SEC31B: variants seen among roughly 807,000 people sequenced by gnomAD.
SEC31B encodes SEC31 homolog B, COPII component.
A neutral mutation model predicts 135.0 loss-of-function variants in SEC31B; 113 were observed. That is an observed-to-expected ratio of 0.84 (90% confidence interval 0.72 to 0.98). The LOEUF (loss-of-function observed/expected upper bound fraction) is 0.98, where lower values mean the gene tolerates loss of function less well. Among genes scored for constraint, SEC31B ranks in the 50% least tolerant of loss-of-function variants. The pLI is 0.00. For missense variants in SEC31B, 1,296 were observed against 1,421.1 expected (o/e 0.91, Z 1.42); for synonymous variants, 508 against 549.4 (o/e 0.92, Z 1.05).
chr10:100,487,369 T>G lies in SEC31B; in HGVS notation c.*247A>C. On this transcript the variant is annotated 3_prime_UTR_variant, in exon 26 of 26. Transcript: ENST00000370345. ...TTACAGAGTGTAGTATTAGGGAGAGTGAAGAACTGATTCTATGCCCTGCCT... is the reference window on the plus strand; with the variant it reads ...TTACAGAGTGTAGTATTAGGGAGAGGGAAGAACTGATTCTATGCCCTGCCT... The G allele has an allele frequency of 3.8e-6, 2 of 520,490 alleles. No individual in the cohort carries two copies. Among genetic ancestry groups the G allele is most frequent in the East Asian group, 3.4e-5 (1 of 29,388 alleles). 32.2% of individuals were successfully genotyped at this position (520,490 alleles called of 1,614,324 possible).
At chr10:100,505,327 AAC>A (rs749868302) in intron 10 of SEC31B, 32 bp downstream of exon 10, 22 of 1,543,438 alleles carry the variant, frequency 1.4e-5, no homozygotes, top group Admixed American at 3.5e-5. Context: ...CACACACACA[AAC>A]ACACACACAC....
intron 2 of SEC31B, 63 bp from the exon 3 acceptor site, chr10:100,516,282 G>A (rs1482659530): frequency 6.4e-7 from 1 of 1,562,160 alleles, no homozygotes; most frequent in Non-Finnish European, 8.7e-7. Flanking sequence ...GTATAAGAAG[G>A]TTAAGGAGTG....
chr10:100,489,077 T>C, intron 23 of SEC31B, 103 bp from the exon 24 acceptor site: 2 of 1,502,876 alleles, frequency 1.3e-6, no homozygotes, highest in South Asian at 1.4e-5. Flanking sequence ...ACTGTTCCCA[T>C]TACAGCAGAG....
chr10:100,503,308 T>A (rs138596732), intron 10 of SEC31B, among the ~76,000 whole-genome samples: 1 of 152,074 alleles, frequency 6.6e-6, no homozygotes, highest in Non-Finnish European at 1.5e-5. Context: ...TAAAACCACA[T>A]GGAGAACAAT....
rs188641297 is a variant in SEC31B, at chr10:100,488,351, C to T, written c.3289-253G>A. On this transcript the variant is annotated intron_variant, in intron 24 of 25. Transcript: ENST00000370345. Reference sequence around the variant, plus strand: ...GTGGGCACCTGTAGTCCCAGCTACTCGGGAGGCTGAGGCGGGAGAATGGCT... The same window carrying T: ...GTGGGCACCTGTAGTCCCAGCTACTTGGGAGGCTGAGGCGGGAGAATGGCT... Among the ~76,000 whole-genome samples, 367 of 149,690 alleles carry T rather than the reference C, an allele frequency of 2.5e-3. 2 individuals are homozygous for T. Among genetic ancestry groups the T allele is most frequent in the African/African-American group, 8.4e-3 (342 of 40,654 alleles).
intron 14 of SEC31B, 167 bp from the exon 15 acceptor site, chr10:100,498,374 C>A: frequency 1.4e-6 from 1 of 718,042 alleles, no homozygotes. Flanking sequence ...TTTTGGTGCC[C>A]AGGTCTAAAG....
chr10:100,489,485 A>C, intron 22 of SEC31B, 87 bp from the exon 23 acceptor site: 12 of 1,503,060 alleles, frequency 8.0e-6, no homozygotes, highest in Non-Finnish European at 9.1e-6. Context: ...ACAGTGAACA[A>C]GGAGACAGAA....
intron 7 of SEC31B, 200 bp from the exon 8 acceptor site, chr10:100,506,620 C>T (rs781289845): frequency 3.4e-6 from 2 of 594,452 alleles, no homozygotes; most frequent in Non-Finnish European, 5.9e-6. Context: ...AGAGTCAGAA[C>T]CCAAACCAAA....
At chr10:100,508,806 C>G (rs1479004828) in intron 5 of SEC31B, 1 of 591,966 alleles carries the variant, frequency 1.7e-6, no homozygotes, top group Non-Finnish European at 3.0e-6. Context: ...TGAGCACAAA[C>G]CAACTACCCC....
chr10:100,498,224 C>T lies in SEC31B; in HGVS notation c.1685-17G>A. ...CATCAATATCTGCAGGCAGAAGCAT[C>T]CCCTGTGCATTAGTTGCTCTCAAAC... On this transcript the variant is annotated splice_polypyrimidine_tract_variant and intron_variant, in intron 14 of 25. Transcript: ENST00000370345. The T allele has an allele frequency of 6.2e-7, 1 of 1,613,710 alleles. No individual in the cohort carries two copies. The highest frequency in any genetic ancestry group is 1.1e-5 in the South Asian group (1 of 91,040).
chr10:100,497,618 CCATGCTGGAGTCACACCATTT>C, intron 16 of SEC31B, 28 bp downstream of exon 16: 1 of 1,613,658 alleles, frequency 6.2e-7, no homozygotes, highest in Non-Finnish European at 8.5e-7. Flanking sequence ...TCCTTTGACT[CCATGCTGGAGTCACACCATTT>C]CATCCTGAAG....
At position 100,489,693 on chromosome 10, in the gene SEC31B, A is replaced by G; in HGVS notation, c.3024+10T>C. 6.2e-7 allele frequency: 1 copy of G among 1,614,178 alleles called. No homozygotes were observed. The highest frequency in any genetic ancestry group is 8.5e-7 in the Non-Finnish European group (1 of 1,180,016). On this transcript the variant is annotated intron_variant, in intron 22 of 25. Transcript: ENST00000370345. ...TGTGCGAGGGAGTGGGTAGGGAAAG[A>G]TGCATTGACCTTGTTCCTCTGGAGG...
At chr10:100,499,773 G>A (rs913772584) in intron 11 of SEC31B, among the ~76,000 whole-genome samples, 175 bp from the exon 12 acceptor site, 1 of 152,090 alleles carries the variant, frequency 6.6e-6, no homozygotes, top group Admixed American at 6.5e-5. Flanking sequence ...CTTACTGATG[G>A]GCTATCAGCA....
In SEC31B at chr10:100,510,281, T is replaced by C. The variant is rs570344740; in HGVS notation, c.204-770A>G. Among the ~76,000 whole-genome samples, 677 of 152,254 alleles carry C rather than the reference T, an allele frequency of 4.4e-3. 1 individual carries two copies. The highest frequency in any genetic ancestry group is 7.3e-3 in the Non-Finnish European group (495 of 68,014). On this transcript the variant is annotated intron_variant, in intron 3 of 25. Coordinates refer to ENST00000370345, the MANE Select transcript of SEC31B (RefSeq NM_015490.4). ...CCCAATGGCCTCCCCACCCCATGCC[T>C]CTCCCATGTGGCTGGCCCACTGGAG...
chr10:100,490,845 AG>A lies in SEC31B; in HGVS notation c.2510del (p.Pro837LeufsTer25), dbSNP rs1851288319. ...CCAAGGGCATCGCTGGTGATGACTG[AG>A]GGGTGAAAACCCTTGGCCTTGGAGA... is the stretch of plus-strand genomic sequence containing the variant. ...TPSPRPRVFTPQSSPAMPLAP... is the reference protein window; with the variant it reads ...TPSPRPRVFTXQSSPAMPLAP... On this transcript the variant is annotated frameshift_variant, in exon 20 of 26. Coordinates refer to ENST00000370345, the MANE Select transcript of SEC31B (RefSeq NM_015490.4). LOFTEE classifies it high-confidence loss of function. 1 of 1,582,282 alleles carries A rather than the reference AG, an allele frequency of 6.3e-7. No homozygotes were observed. The highest frequency in any genetic ancestry group is 8.6e-7 in the Non-Finnish European group (1 of 1,160,044).
chr10:100,509,149 C>T (rs372664785), intron 4 of SEC31B, 47 bp from the exon 5 acceptor site: 2 of 1,591,110 alleles, frequency 1.3e-6, no homozygotes, highest in South Asian at 1.1e-5. Context: ...TAGGAAGAAA[C>T]AGAGCAAGAA....
chr10:100,490,791 AC>A lies in SEC31B; in HGVS notation c.2564del (p.Gly855ValfsTer7). The stretch of plus-strand genomic sequence containing the variant: ...AGTCACTTATATTCTGTGTCCTGGG[AC>A]CCTGATAAGGGCTAGGATGGGAAGG... The part of the protein sequence containing the change: ...LAPSHPSPYQ[G>X]PRTQNISDYR... On this transcript the variant is annotated frameshift_variant, in exon 20 of 26. Transcript: ENST00000370345. LOFTEE classifies it high-confidence loss of function. 1 of 1,611,348 alleles carries A rather than the reference AC, an allele frequency of 6.2e-7. No homozygotes were observed. The highest frequency in any genetic ancestry group is 8.5e-7 in the Non-Finnish European group (1 of 1,178,422).
intron 19 of SEC31B, among the ~76,000 whole-genome samples, chr10:100,493,518 T>C (rs909172722): frequency 6.6e-6 from 1 of 152,184 alleles, no homozygotes; most frequent in African/African-American, 2.4e-5. Context: ...CTCAAAAGGA[T>C]ACATATTGCC....
Position 100,490,333 on chromosome 10 carries a change from A to G in SEC31B, c.2651-11T>C. The G allele has an allele frequency of 6.2e-7, 1 of 1,609,056 alleles. No individual in the cohort carries two copies. Among genetic ancestry groups the G allele is most frequent in the Non-Finnish European group, 8.5e-7 (1 of 1,177,570 alleles). Reference sequence around the variant, plus strand: ...GTGGCTGAGATGAAGCTGAAGCAGAACAGAAATAGGTCATTTGTCACTAAA... The same window carrying G: ...GTGGCTGAGATGAAGCTGAAGCAGAGCAGAAATAGGTCATTTGTCACTAAA... On this transcript the variant is annotated splice_polypyrimidine_tract_variant and intron_variant, in intron 20 of 25. Coordinates refer to ENST00000370345, the MANE Select transcript of SEC31B (RefSeq NM_015490.4).
Sources: allele counts gnomAD v4.1 joint callset (sites outside exome capture counted in the v4.1 genomes callset), GRCh38; gene constraint gnomAD v4.1.1; transcripts MANE v1.5; gene names NCBI Gene and HGNC (gene_info 2026-07-23, HGNC 2026-07-21).